The following SYT9 variants were observed in gnomAD, a reference collection of about 807,000 sequenced individuals.
SYT9 encodes synaptotagmin 9, also known as synaptotagmin-9.
SYT9 carries 22 observed loss-of-function variants against 48.4 expected under a neutral mutation model. The ratio of observed to expected loss-of-function variants is 0.45; its 90% CI spans 0.32 to 0.65. The LOEUF (loss-of-function observed/expected upper bound fraction) is 0.65. Ranked by LOEUF, SYT9 falls within the 30% of genes least tolerant of loss-of-function variation. The pLI, the probability that SYT9 is intolerant of heterozygous loss-of-function variation, is 0.03. For synonymous variants in SYT9, 265 were observed against 245.0 expected, an observed-to-expected ratio of 1.08 and a Z score of -0.76; for missense variants, 577 against 622.0, an observed-to-expected ratio of 0.93 and a Z score of 0.77.
intron 1 of SYT9, among the ~76,000 whole-genome samples, chr11:7,254,825 G>T (rs897395018): frequency 1.3e-5 from 2 of 152,272 alleles, no homozygotes; most frequent in Non-Finnish European, 2.9e-5. Context: ...ACAGCAAAGT[G>T]ACCCTGCATC....
chr11:7,432,199 C>T (rs1183589075), intron 6 of SYT9, among the ~76,000 whole-genome samples: 6 of 152,168 alleles, frequency 3.9e-5, no homozygotes, highest in African/African-American at 1.4e-4. Flanking sequence ...CCACCCTTTG[C>T]ACCAGTGTGT....
At chr11:7,245,025 A>G (rs984460519) in intron 1 of SYT9, among the ~76,000 whole-genome samples, 1 of 152,206 alleles carries the variant, frequency 6.6e-6, no homozygotes, top group Non-Finnish European at 1.5e-5. Context: ...AGATGATGAG[A>G]GAACCTGAGC....
chr11:7,398,612 A>G (rs1314809148), intron 3 of SYT9, among the ~76,000 whole-genome samples: 2 of 152,056 alleles, frequency 1.3e-5, no homozygotes, highest in African/African-American at 2.4e-5. Context: ...GGGTTTCACC[A>G]TGTTAGCCAG....
chr11:7,330,454 T>G (rs1366211768), intron 3 of SYT9, among the ~76,000 whole-genome samples: 1 of 151,952 alleles, frequency 6.6e-6, no homozygotes, highest in African/African-American at 2.4e-5. Flanking sequence ...GAGGTGAAAC[T>G]GCAAATCAAA....
intron 6 of SYT9, 120 bp from the exon 7 acceptor site, chr11:7,466,672 G>C (rs1013969365): frequency 1.0e-6 from 1 of 982,736 alleles, no homozygotes; most frequent in African/African-American, 1.7e-5. Flanking sequence ...AGTGAGCCAA[G>C]ATCGCGCCAC....
chr11:7,306,922 C>T (rs573329340), intron 2 of SYT9, among the ~76,000 whole-genome samples: 1 of 152,340 alleles, frequency 6.6e-6, no homozygotes, highest in East Asian at 1.9e-4. Flanking sequence ...CACCACCTGG[C>T]ACATGGAGGA....
At chr11:7,269,807 C>A (rs1564842161) in intron 1 of SYT9, among the ~76,000 whole-genome samples, 1 of 152,142 alleles carries the variant, frequency 6.6e-6, no homozygotes, top group Non-Finnish European at 1.5e-5. Flanking sequence ...ACTTCAAATG[C>A]AATTTAAGTT....
intron 6 of SYT9, among the ~76,000 whole-genome samples, chr11:7,460,047 T>G (rs1270353347): frequency 6.6e-6 from 1 of 152,186 alleles, no homozygotes; most frequent in Non-Finnish European, 1.5e-5. Context: ...GTCACTAACT[T>G]GTCTGTACCT....
intron 3 of SYT9, among the ~76,000 whole-genome samples, chr11:7,400,332 T>C (rs1172678044): frequency 1.3e-5 from 2 of 152,202 alleles, no homozygotes; most frequent in Non-Finnish European, 2.9e-5. Context: ...AAGTATTCCA[T>C]ATGTCAAGTG....
chr11:7,384,099 C>T (rs1240355633), intron 3 of SYT9, among the ~76,000 whole-genome samples: 2 of 151,592 alleles, frequency 1.3e-5, no homozygotes, highest in Non-Finnish European at 2.9e-5. Flanking sequence ...CACACCCTCA[C>T]ACCTTACTTC....
At chr11:7,377,648 G>A (rs1363708748) in intron 3 of SYT9, among the ~76,000 whole-genome samples, 1 of 152,076 alleles carries the variant, frequency 6.6e-6, no homozygotes, top group African/African-American at 2.4e-5. Flanking sequence ...CTTCCACAAG[G>A]GTGGAAACAT....
intron 1 of SYT9, chr11:7,239,006 G>T (rs1432745941): frequency 1.3e-5 from 6 of 450,662 alleles, no homozygotes; most frequent in Middle Eastern, 4.4e-4. Flanking sequence ...GGTAGAGTCA[G>T]CATTGGAGCT....
At position 7,363,126 on chromosome 11, in the gene SYT9, C is replaced by G. The variant is rs149950217; in HGVS notation, c.1044+49185C>G. Among the ~76,000 whole-genome samples the G allele has an allele frequency of 1.9e-3, 293 of 151,994 alleles. 1 individual carries two copies. Among genetic ancestry groups the G allele is most frequent in the African/African-American group, 6.8e-3 (281 of 41,456 alleles). On this transcript the variant is annotated intron_variant, in intron 3 of 6. Coordinates refer to ENST00000318881, the MANE Select transcript of SYT9 (RefSeq NM_175733.4). Reference sequence around the variant, plus strand: ...TACCTTGAATCTCCACTAGTACTATCTGGGCCCAAGATACTATCATTTCTC... The same window carrying G: ...TACCTTGAATCTCCACTAGTACTATGTGGGCCCAAGATACTATCATTTCTC...
chr11:7,315,018 C>T (rs1454130810), intron 3 of SYT9, among the ~76,000 whole-genome samples: 2 of 152,228 alleles, frequency 1.3e-5, no homozygotes, highest in Non-Finnish European at 2.9e-5. Flanking sequence ...GCTCTGATTG[C>T]CCTGTGGGAC....
Position 7,468,222 on chromosome 11 carries a change from C to T in SYT9, c.*1422C>T, listed in dbSNP as rs1848365152. On this transcript the variant is annotated 3_prime_UTR_variant, in exon 7 of 7. Transcript: ENST00000318881. ...AGCTCATTATCTCTGTTTGAATTAACATTTCAGCATGGAACTAACTGGGCG... is the reference window on the plus strand; with the variant it reads ...AGCTCATTATCTCTGTTTGAATTAATATTTCAGCATGGAACTAACTGGGCG... 2 of 398,634 alleles carry T rather than the reference C, an allele frequency of 5.0e-6. No homozygotes were observed. Among genetic ancestry groups the T allele is most frequent in the Non-Finnish European group, 8.8e-6 (2 of 226,058 alleles). The allele number at this position is 398,634 out of a possible 1,614,324, so 24.7% of individuals were successfully genotyped here. A position where few individuals can be genotyped will look rare whatever the true frequency, so the allele number is the denominator to read the frequency against.
chr11:7,304,068 C>G (rs186725273), intron 2 of SYT9, among the ~76,000 whole-genome samples: 2 of 152,328 alleles, frequency 1.3e-5, no homozygotes, highest in East Asian at 3.9e-4. Context: ...AATGAATTGG[C>G]TTTACTTACA....
At chr11:7,362,833 A>T (rs984047784) in intron 3 of SYT9, among the ~76,000 whole-genome samples, 1 of 151,792 alleles carries the variant, frequency 6.6e-6, no homozygotes, top group Admixed American at 6.6e-5. Context: ...AACCATTTAC[A>T]TATATCGCCA....
chr11:7,284,738 A>G (rs1356353841), intron 1 of SYT9, among the ~76,000 whole-genome samples: 2 of 152,004 alleles, frequency 1.3e-5, no homozygotes, highest in African/African-American at 4.8e-5. Context: ...TCATTCTGGG[A>G]AATGTTATTT....
intron 1 of SYT9, among the ~76,000 whole-genome samples, chr11:7,245,933 A>G (rs183966132): frequency 6.6e-6 from 1 of 152,324 alleles, no homozygotes; most frequent in Admixed American, 6.5e-5. Flanking sequence ...AGGAACCAGC[A>G]TTTTCATAAG....
Sources: allele counts gnomAD v4.1 joint callset (sites outside exome capture counted in the v4.1 genomes callset), GRCh38; gene constraint gnomAD v4.1.1; transcripts MANE v1.5; gene names NCBI Gene and HGNC (gene_info 2026-07-23, HGNC 2026-07-21).